ASCL2: variants seen among roughly 807,000 people sequenced by gnomAD.
ASCL2 encodes achaete-scute homolog 2.
Under a neutral mutation model 5.1 loss-of-function variants are expected in ASCL2, and 6 were observed. The ratio of observed to expected loss-of-function variants is 1.17; its 90% CI spans 0.64 to 2.31. The LOEUF (loss-of-function observed/expected upper bound fraction) is 2.31, where lower values mean the gene tolerates loss of function less well. Among genes scored for constraint, ASCL2 ranks in the 30% most tolerant of loss-of-function variants. The probability of loss-of-function intolerance (pLI) is 0.00; values close to 1 mark genes in which losing one functional copy is unlikely to be tolerated. For synonymous variants in ASCL2, 174 were observed against 157.3 expected (o/e 1.11, Z -0.80); for missense variants, 320 against 310.3 (o/e 1.03, Z -0.23).
At position 2,269,723 on chromosome 11, in the gene ASCL2, C is replaced by T; in HGVS notation, c.*18+10G>A. 1 of 1,307,988 alleles carries T rather than the reference C, an allele frequency of 7.6e-7. No homozygotes were observed. The highest frequency in any genetic ancestry group is 2.8e-4 in the Middle Eastern group (1 of 3,574). The allele number at this position is 1,307,988 out of a possible 1,614,324, so 81.0% of individuals were successfully genotyped here. A position where few individuals can be genotyped will look rare whatever the true frequency, so the allele number is the denominator to read the frequency against. On this transcript the variant is annotated intron_variant, in intron 1 of 1. Transcript: ENST00000331289. ...CCGGCCCTCCCTCCTCCCTGCCTCC[C>T]GGCTGTTACCTCATAGGTCGAGGGC...
At position 2,270,462 on chromosome 11, in the gene ASCL2, CCCCAGGGCACGCG is replaced by C; in HGVS notation, c.-143_-131del. 1 of 1,252,316 alleles carries C rather than the reference CCCCAGGGCACGCG, an allele frequency of 8.0e-7. No individual in the cohort carries two copies. The highest frequency in any genetic ancestry group is 3.2e-5 in the East Asian group (1 of 30,830). 77.6% of individuals were successfully genotyped at this position (1,252,316 alleles called of 1,614,324 possible). On this transcript the variant is annotated 5_prime_UTR_variant, in exon 1 of 2. Transcript: ENST00000331289. The stretch of plus-strand genomic sequence containing the variant: ...TCTGGCACGGCGCCGCCAGGCAACT[CCCCAGGGCACGCG>C]TCCTAGGTCGTCTGGAGCCCGGGGA...
Position 2,270,205 on chromosome 11 carries a change from G to A in ASCL2, c.128C>T (p.Ala43Val). Reference protein sequence around the residue: ...RCSRRRRPATAETGGGAAAVA... With the variant: ...RCSRRRRPATVETGGGAAAVA... ...GGCCGCTGCGCCGCCTCCGGTCTCT[G>A]CGGTGGCCGGTCGCCGCCGCCGGCT... Residue 43 changes from alanine to valine, a missense_variant, in exon 1 of 2, where the codon GCA becomes GTA. Physicochemically the swap from Ala to Val is moderately conservative, Grantham distance 64 (BLOSUM62 0). Transcript: ENST00000331289. 1 of 1,468,292 alleles carries A rather than the reference G, an allele frequency of 6.8e-7. No individual in the cohort carries two copies. The highest frequency in any genetic ancestry group is 9.0e-7 in the Non-Finnish European group (1 of 1,117,232). The allele number at this position is 1,468,292 out of a possible 1,614,324, so 91.0% of individuals were successfully genotyped here. A position where few individuals can be genotyped will look rare whatever the true frequency, so the allele number is the denominator to read the frequency against.
Position 2,269,794 on chromosome 11 carries a change from T to C in ASCL2, c.539A>G (p.Glu180Gly), listed in dbSNP as rs1228524340. The change falls in exon 1 of 2, where the codon GAG (glutamate) becomes GGG (glycine). Residue 180 changes from glutamate (E) to glycine (G), a missense_variant. Physicochemically the swap from Glu to Gly is moderately conservative, Grantham distance 98. Coordinates refer to ENST00000331289, the MANE Select transcript of ASCL2 (RefSeq NM_005170.3). ...GCTGGAGAAGTCGAGTAGCTCGCGCTCCGCAGGACTCAGCGCGCCTTCGCA... is the reference window on the plus strand; with the variant it reads ...GCTGGAGAAGTCGAGTAGCTCGCGCCCCGCAGGACTCAGCGCGCCTTCGCA... ...SGCEGALSPA[E>G]RELLDFSSWL... The C allele has an allele frequency of 2.1e-6, 3 of 1,445,344 alleles. No individual in the cohort carries two copies. The highest frequency in any genetic ancestry group is 1.5e-5 in the African/African-American group (1 of 67,632). The allele number at this position is 1,445,344 out of a possible 1,614,324, so 89.5% of individuals were successfully genotyped here. A position where few individuals can be genotyped will look rare whatever the true frequency, so the allele number is the denominator to read the frequency against.
At position 2,270,144 on chromosome 11, in the gene ASCL2, C is replaced by T. The variant is rs779339632; in HGVS notation, c.189G>A (p.Val63=). The stretch of plus-strand genomic sequence containing the variant: ...CCTGGAAGCCCAAGTTCACCAGCTT[C>T]ACGCGGTTGCGCTCGCGCTCATTGC... The part of the protein sequence containing the change: ...ARRNERERNR[V]KLVNLGFQAL... The change falls in exon 1 of 2, where the codon GTG becomes GTA. Residue 63 remains valine, a synonymous_variant. Coordinates refer to ENST00000331289, the MANE Select transcript of ASCL2 (RefSeq NM_005170.3). The T allele has an allele frequency of 6.5e-7, 1 of 1,528,816 alleles. No individual in the cohort carries two copies. Among genetic ancestry groups the T allele is most frequent in the South Asian group, 1.2e-5 (1 of 82,654 alleles). 94.7% of individuals were successfully genotyped at this position (1,528,816 alleles called of 1,614,324 possible). A position where few individuals can be genotyped will look rare whatever the true frequency, so the allele number is the denominator to read the frequency against.
rs1432806182 is a variant in ASCL2 at position 2,269,778 on chromosome 11, G to C, written c.555C>G (p.Asp185Glu). 4 of 1,448,758 alleles carry C rather than the reference G, an allele frequency of 2.8e-6. No individual in the cohort carries two copies. Among genetic ancestry groups the C allele is most frequent in the Non-Finnish European group, 3.7e-6 (4 of 1,095,414 alleles). 89.7% of individuals were successfully genotyped at this position (1,448,758 alleles called of 1,614,324 possible). A position where few individuals can be genotyped will look rare whatever the true frequency, so the allele number is the denominator to read the frequency against. ...AGTAGCCCCCTAACCAGCTGGAGAA[G>C]TCGAGTAGCTCGCGCTCCGCAGGAC... ...ALSPAERELL[D>E]FSSWLGGY The change falls in exon 1 of 2, where the codon GAC becomes GAG. Residue 185 changes from aspartate (D) to glutamate (E), a missense_variant. Physicochemically the swap from Asp to Glu is conservative, Grantham distance 45 (BLOSUM62 2). Transcript: ENST00000331289.
At position 2,270,176 on chromosome 11, in the gene ASCL2, C is replaced by T; in HGVS notation, c.157G>A (p.Ala53Thr). The change falls in exon 1 of 2, where the codon GCG becomes ACG. Residue 53 changes from alanine to threonine, a missense_variant. Physicochemically the swap from Ala to Thr is moderately conservative, Grantham distance 58 (BLOSUM62 0). Coordinates refer to ENST00000331289, the MANE Select transcript of ASCL2 (RefSeq NM_005170.3). ...AETGGGAAAVARRNERERNRV... is the reference protein window; with the variant it reads ...AETGGGAAAVTRRNERERNRV... ...TTGCGCTCGCGCTCATTGCGCCGCG[C>T]TACGGCCGCTGCGCCGCCTCCGGTC... 6.6e-7 allele frequency: 1 copy of T among 1,509,834 alleles called. No homozygotes were observed. 93.5% of individuals were successfully genotyped at this position (1,509,834 alleles called of 1,614,324 possible).
chr11:2,270,578 C>G lies in ASCL2; in HGVS notation c.-246G>C. 1.6e-6 allele frequency: 1 copy of G among 644,716 alleles called. No individual in the cohort carries two copies. The highest frequency in any genetic ancestry group is 2.3e-6 in the Non-Finnish European group (1 of 443,518). 39.9% of individuals were successfully genotyped at this position (644,716 alleles called of 1,614,324 possible). ...TGTCCCGCGCGTGCGGCCGGACTCTCCCAGGTCTCCGCAGGCGCGGCGCAG... is the reference window on the plus strand; with the variant it reads ...TGTCCCGCGCGTGCGGCCGGACTCTGCCAGGTCTCCGCAGGCGCGGCGCAG... On this transcript the variant is annotated 5_prime_UTR_variant, in exon 1 of 2. Transcript: ENST00000331289.
In ASCL2 at chr11:2,270,255, G is replaced by A. The variant is rs1046378329; in HGVS notation, c.78C>T (p.Pro26=). Residue 26 remains proline, a synonymous_variant, in exon 1 of 2, where the codon CCC becomes CCT. Coordinates refer to ENST00000331289, the MANE Select transcript of ASCL2 (RefSeq NM_005170.3). The stretch of plus-strand genomic sequence containing the variant: ...TGCAGCGCAACAGTTCCGGGGACGC[G>A]GGTCTCCGCCGGGCAGCGCAGCCGA... ...VPVGCAARRR[P]ASPELLRCSR... The A allele has an allele frequency of 7.1e-7, 1 of 1,406,972 alleles. No homozygotes were observed. The highest frequency in any genetic ancestry group is 9.2e-7 in the Non-Finnish European group (1 of 1,086,650). 87.2% of individuals were successfully genotyped at this position (1,406,972 alleles called of 1,614,324 possible).
rs938194278 is a variant in ASCL2, at chr11:2,269,074, G to A, written c.*71C>T. On this transcript the variant is annotated 3_prime_UTR_variant, in exon 2 of 2. Transcript: ENST00000331289. ...CGGAGCGCGGGCCGGTCCACCTGGC[G>A]GGCTCCCCGGCGATGAGCGCGCCGG... 5 of 151,918 alleles carry A rather than the reference G, an allele frequency of 3.3e-5. No homozygotes were observed. The highest frequency in any genetic ancestry group is 1.9e-4 in the East Asian group (1 of 5,134). 9.4% of individuals were successfully genotyped at this position (151,918 alleles called of 1,614,324 possible). A position where few individuals can be genotyped will look rare whatever the true frequency, so the allele number is the denominator to read the frequency against.
At chr11:2,269,634 G>C (rs1847224691) in intron 1 of ASCL2, 99 bp downstream of exon 1, 1 of 1,113,632 alleles carries the variant, frequency 9.0e-7, no homozygotes, top group Admixed American at 4.3e-5. Context: ...CTGGCGCTCG[G>C]CTCCGCGGGC....
intron 1 of ASCL2, 84 bp downstream of exon 1, chr11:2,269,649 G>C: frequency 3.3e-6 from 4 of 1,200,968 alleles, no homozygotes; most frequent in Non-Finnish European, 4.2e-6. Flanking sequence ...GCGGGCTCCT[G>C]GGGGCGCGAC....
chr11:2,269,982 C>T lies in ASCL2; in HGVS notation c.351G>A (p.Ala117=). The change falls in exon 1 of 2, where the codon GCG becomes GCA. Residue 117 remains alanine (A), a synonymous_variant. Coordinates refer to ENST00000331289, the MANE Select transcript of ASCL2 (RefSeq NM_005170.3). ...AEHDAVRNAL[A]GGLRPQAVRP... ...GCACGGCCTGCGGCCTCAGCCCTCC[C>T]GCCAGCGCGTTGCGCACGGCGTCGT... is the stretch of plus-strand genomic sequence containing the variant. The T allele has an allele frequency of 7.5e-7, 1 of 1,332,798 alleles. No individual in the cohort carries two copies. The highest frequency in any genetic ancestry group is 9.6e-7 in the Non-Finnish European group (1 of 1,042,024). The allele number at this position is 1,332,798 out of a possible 1,614,324, so 82.6% of individuals were successfully genotyped here. A position where few individuals can be genotyped will look rare whatever the true frequency, so the allele number is the denominator to read the frequency against.
chr11:2,269,946 C>A lies in ASCL2; in HGVS notation c.387G>T (p.Ala129=). Reference sequence around the variant, plus strand: ...GGGTGGTCCCTGGCGGCCCGCGGGGCGCAGACGGCCGCACGGCCTGCGGCC... The same window carrying A: ...GGGTGGTCCCTGGCGGCCCGCGGGGAGCAGACGGCCGCACGGCCTGCGGCC... The part of the protein sequence containing the change: ...GLRPQAVRPS[A]PRGPPGTTPV... Residue 129 remains alanine (A), a synonymous_variant, in exon 1 of 2, where the codon GCG becomes GCT. Coordinates refer to ENST00000331289, the MANE Select transcript of ASCL2 (RefSeq NM_005170.3). 7.8e-7 allele frequency: 1 copy of A among 1,280,886 alleles called. No individual in the cohort carries two copies. Among genetic ancestry groups the A allele is most frequent in the Non-Finnish European group, 9.9e-7 (1 of 1,012,038 alleles). 79.3% of individuals were successfully genotyped at this position (1,280,886 alleles called of 1,614,324 possible).
Position 2,269,923 on chromosome 11 carries a change from G to A in ASCL2, c.410C>T (p.Thr137Ile), listed in dbSNP as rs563419786. 5.0e-5 allele frequency: 64 copies of A among 1,285,730 alleles called. 1 individual carries two copies. The South Asian group carries it at 1.7e-3, about 34-fold the overall frequency. 79.6% of individuals were successfully genotyped at this position (1,285,730 alleles called of 1,614,324 possible). A position where few individuals can be genotyped will look rare whatever the true frequency, so the allele number is the denominator to read the frequency against. The change falls in exon 1 of 2, where the codon ACC (threonine) becomes ATC (isoleucine). Residue 137 changes from threonine (T) to isoleucine (I), a missense_variant. Transcript: ENST00000331289. ...PSAPRGPPGTTPVAASPSRAS... is the reference protein window; with the variant it reads ...PSAPRGPPGTIPVAASPSRAS... ...GCGGGAGGGCGAGGCGGCGACCGGGGTGGTCCCTGGCGGCCCGCGGGGCGC... is the reference window on the plus strand; with the variant it reads ...GCGGGAGGGCGAGGCGGCGACCGGGATGGTCCCTGGCGGCCCGCGGGGCGC...
chr11:2,270,545 G>A lies in ASCL2; in HGVS notation c.-213C>T. ...AGGCCGTACGCGCCAGGGAGCGTGG[G>A]ACGCTCGTGTCCCGCGCGTGCGGCC... is the stretch of plus-strand genomic sequence containing the variant. On this transcript the variant is annotated 5_prime_UTR_variant, in exon 1 of 2. Transcript: ENST00000331289. 1 of 946,784 alleles carries A rather than the reference G, an allele frequency of 1.1e-6. No homozygotes were observed. The highest frequency in any genetic ancestry group is 4.4e-5 in the Admixed American group (1 of 22,866). 58.6% of individuals were successfully genotyped at this position (946,784 alleles called of 1,614,324 possible).
At position 2,269,968 on chromosome 11, in the gene ASCL2, G is replaced by A; in HGVS notation, c.365C>T (p.Pro122Leu). 2 of 1,302,002 alleles carry A rather than the reference G, an allele frequency of 1.5e-6. No individual in the cohort carries two copies. 80.7% of individuals were successfully genotyped at this position (1,302,002 alleles called of 1,614,324 possible). ...GGGCGCAGACGGCCGCACGGCCTGC[G>A]GCCTCAGCCCTCCCGCCAGCGCGTT... The part of the protein sequence containing the change: ...VRNALAGGLR[P>L]QAVRPSAPRG... Residue 122 changes from proline to leucine, a missense_variant, in exon 1 of 2, where the codon CCG (proline) becomes CTG (leucine). Pro to Leu is a moderately conservative substitution (Grantham distance 98). Transcript: ENST00000331289.
chr11:2,269,450 G>C (rs945583674), intron 1 of ASCL2, among the ~76,000 whole-genome samples: 1 of 152,082 alleles, frequency 6.6e-6, no homozygotes, highest in Non-Finnish European at 1.5e-5. Flanking sequence ...GCCAGCACTA[G>C]AGACCTCAAC....
rs771052351 is a variant in ASCL2 at position 2,270,196 on chromosome 11, C to G, written c.137G>C (p.Gly46Ala). The G allele has an allele frequency of 1.5e-4, 218 of 1,489,198 alleles. No homozygotes were observed. The highest frequency in any genetic ancestry group is 1.0e-3 in the South Asian group (82 of 79,118). 92.2% of individuals were successfully genotyped at this position (1,489,198 alleles called of 1,614,324 possible). A position where few individuals can be genotyped will look rare whatever the true frequency, so the allele number is the denominator to read the frequency against. ...CCGCGCTACGGCCGCTGCGCCGCCT[C>G]CGGTCTCTGCGGTGGCCGGTCGCCG... ...RRRRPATAETGGGAAAVARRN... is the reference protein window; with the variant it reads ...RRRRPATAETAGGAAAVARRN... Residue 46 changes from glycine to alanine, a missense_variant, in exon 1 of 2, where the codon GGA becomes GCA. Physicochemically the swap from Gly to Ala is moderately conservative, Grantham distance 60 (BLOSUM62 0). Transcript: ENST00000331289.
chr11:2,269,974 A>T lies in ASCL2; in HGVS notation c.359T>A (p.Leu120Gln). ...DAVRNALAGG[L>Q]RPQAVRPSAP... Reference sequence around the variant, plus strand: ...AGACGGCCGCACGGCCTGCGGCCTCAGCCCTCCCGCCAGCGCGTTGCGCAC... The same window carrying T: ...AGACGGCCGCACGGCCTGCGGCCTCTGCCCTCCCGCCAGCGCGTTGCGCAC... Residue 120 changes from leucine to glutamine, a missense_variant, in exon 1 of 2, where the codon CTG (leucine) becomes CAG (glutamine). Transcript: ENST00000331289. 1 of 1,314,388 alleles carries T rather than the reference A, an allele frequency of 7.6e-7. No individual in the cohort carries two copies. Among genetic ancestry groups the T allele is most frequent in the Non-Finnish European group, 9.7e-7 (1 of 1,031,844 alleles). The allele number at this position is 1,314,388 out of a possible 1,614,324, so 81.4% of individuals were successfully genotyped here. A position where few individuals can be genotyped will look rare whatever the true frequency, so the allele number is the denominator to read the frequency against.
Sources: gnomAD v4.1 joint callset for allele counts (sites outside exome capture counted in the v4.1 genomes callset) on GRCh38, gnomAD v4.1.1 for gene constraint, MANE v1.5 for transcripts, NCBI Gene and HGNC (gene_info 2026-07-23, HGNC 2026-07-21) for gene names.